Variants in IQSEC3 observed in about 807,000 individuals in gnomAD.
IQSEC3 encodes the protein IQ motif and Sec7 domain ArfGEF 3, also known as IQ motif and SEC7 domain-containing protein 3.
IQSEC3 carries 50 observed loss-of-function variants against 105.4 expected under a neutral mutation model. The observed-to-expected ratio is 0.47, with a 90% CI of 0.38 to 0.60. The LOEUF (loss-of-function observed/expected upper bound fraction) is 0.60, where lower values mean the gene tolerates loss of function less well. Among genes scored for constraint, IQSEC3 ranks in the 20% least tolerant of loss-of-function variants. The pLI is 0.00. For synonymous variants in IQSEC3, 708 were observed against 746.0 expected, an observed-to-expected ratio of 0.95 and a Z score of 0.83; for missense variants, 1,415 against 1,630.0, an observed-to-expected ratio of 0.87 and a Z score of 2.27.
chr12:175,021 G>C lies in IQSEC3; in HGVS notation c.3537G>C (p.Arg1179Ser), dbSNP rs1353193484. ...LHGHRYSSGS[R>S]SLV Reference sequence around the variant, plus strand: ...GGCACCGCTACTCCAGTGGCTCAAGGAGCCTGGTGTAGACTCTGCCCCACC... The same window carrying C: ...GGCACCGCTACTCCAGTGGCTCAAGCAGCCTGGTGTAGACTCTGCCCCACC... Residue 1179 changes from arginine (R) to serine (S), a missense_variant, in exon 14 of 14, where the codon AGG becomes AGC. Coordinates refer to ENST00000538872, the MANE Select transcript of IQSEC3 (RefSeq NM_001170738.2). 2.6e-6 allele frequency: 4 copies of C among 1,552,050 alleles called. No individual in the cohort carries two copies. In the East Asian group the frequency reaches 9.2e-5, roughly 36 times the overall value.
intron 5 of IQSEC3, among the ~76,000 whole-genome samples, chr12:145,953 G>A (rs914278215): frequency 6.6e-6 from 1 of 152,186 alleles, no homozygotes; most frequent in African/African-American, 2.4e-5. Context: ...CTTCTGGGTT[G>A]AGCTGCCGGA....
chr12:71,243 T>C (rs1169596215), intron 1 of IQSEC3, among the ~76,000 whole-genome samples: 1 of 152,274 alleles, frequency 6.6e-6, no homozygotes, highest in Non-Finnish European at 1.5e-5. Flanking sequence ...TTGAAGGTGA[T>C]AGCTCATGAC....
In IQSEC3 at chr12:146,003, C is replaced by T. The variant is rs79710671; in HGVS notation, c.2153+4718C>T. Among the ~76,000 whole-genome samples the T allele has an allele frequency of 5.8e-3, 879 of 152,338 alleles. 10 individuals are homozygous for T. The highest frequency in any genetic ancestry group is 0.051 in the Middle Eastern group (15 of 294). ...GTGTTCCTTCCCTCCACTGCGTCTG[C>T]TCCATCCTTTGTTAAATTCCAAGAC... On this transcript the variant is annotated intron_variant, in intron 5 of 13. Coordinates refer to ENST00000538872, the MANE Select transcript of IQSEC3 (RefSeq NM_001170738.2).
chr12:90,008 A>G (rs1461311658), intron 1 of IQSEC3, among the ~76,000 whole-genome samples: 1 of 152,276 alleles, frequency 6.6e-6, no homozygotes, highest in East Asian at 1.9e-4. Flanking sequence ...TGTTTTCCAA[A>G]GTGTGGCACT....
At position 177,459 on chromosome 12, in the gene IQSEC3, T is replaced by C. The variant is rs1346107610; in HGVS notation, c.*2426T>C. ...TGGGCCTCTAGCTGAGAACCCGGAC[T>C]CTCAGGCACCTCAGTGCCCCTGCCC... On this transcript the variant is annotated 3_prime_UTR_variant, in exon 14 of 14. Coordinates refer to ENST00000538872, the MANE Select transcript of IQSEC3 (RefSeq NM_001170738.2). This position sits in a 1 kb window ranked among gnomAD's most constrained non-coding sequence, Gnocchi z 5.3. The C allele has an allele frequency of 6.6e-6, 1 of 152,156 alleles. No individual in the cohort carries two copies. The highest frequency in any genetic ancestry group is 2.4e-5 in the African/African-American group (1 of 41,404). The allele number at this position is 152,156 out of a possible 1,614,324, so 9.4% of individuals were successfully genotyped here.
intron 1 of IQSEC3, among the ~76,000 whole-genome samples, chr12:77,883 C>T (rs1420986305): frequency 2.0e-5 from 3 of 150,986 alleles, no homozygotes; most frequent in African/African-American, 7.3e-5. Flanking sequence ...AACGTGGAGT[C>T]GGGATCTCGG....
chr12:105,320 G>A (rs1474475664), intron 2 of IQSEC3, among the ~76,000 whole-genome samples: 2 of 152,228 alleles, frequency 1.3e-5, no homozygotes, highest in East Asian at 1.9e-4. Flanking sequence ...CATCTTGCCC[G>A]CTGGCAGGGG....
chr12:103,575 G>T (rs868925914), intron 2 of IQSEC3, among the ~76,000 whole-genome samples: 5 of 9,324 alleles, frequency 5.4e-4, no homozygotes, highest in African/African-American at 6.9e-4. Flanking sequence ...GGCTCAGGGG[G>T]AGGTGGGGGC....
chr12:96,277 G>T (rs1463167700), intron 1 of IQSEC3, among the ~76,000 whole-genome samples: 2 of 152,232 alleles, frequency 1.3e-5, no homozygotes, highest in South Asian at 4.1e-4. Context: ...GTAGAAGGGA[G>T]TGTCTGGGTT....
rs117337564 is a variant in IQSEC3, at chr12:89,606, T to C, written c.555-9540T>C. On this transcript the variant is annotated intron_variant, in intron 1 of 13. Coordinates refer to ENST00000538872, the MANE Select transcript of IQSEC3 (RefSeq NM_001170738.2). ...AGTGACCCTTTGTTCCCTCTTACAG[T>C]TCATCCCTTCCTTCCTGCATTGCTG... Among the ~76,000 whole-genome samples, 1,295 of 149,504 alleles carry C rather than the reference T, an allele frequency of 8.7e-3. 10 individuals carry two copies. The highest frequency in any genetic ancestry group is 0.027 in the East Asian group (140 of 5,174).
Position 138,313 on chromosome 12 carries a change from G to T in IQSEC3, c.950G>T (p.Arg317Leu). 2 of 1,613,820 alleles carry T rather than the reference G, an allele frequency of 1.2e-6. No homozygotes were observed. Among genetic ancestry groups the T allele is most frequent in the Non-Finnish European group, 1.7e-6 (2 of 1,179,942 alleles). Residue 317 changes from arginine to leucine, a missense_variant, in exon 4 of 14, where the codon CGC (arginine) becomes CTC (leucine). Coordinates refer to ENST00000538872, the MANE Select transcript of IQSEC3 (RefSeq NM_001170738.2). The surrounding 1 kb of genome is among the most constrained non-coding windows in gnomAD (Gnocchi z 7.1). ...HKYGGHLVSRRAACTIQTAFR... is the reference protein window; with the variant it reads ...HKYGGHLVSRLAACTIQTAFR... ...TACGGCGGTCACCTGGTGTCCCGGC[G>T]CGCCGCTTGCACCATCCAAACCGCC...
chr12:148,657 T>C (rs919971055), intron 5 of IQSEC3: 3 of 152,238 alleles, frequency 2.0e-5, no homozygotes, highest in Non-Finnish European at 4.4e-5. Flanking sequence ...TTATGAATTC[T>C]GACGAATAAA....
intron 11 of IQSEC3, 85 bp from the exon 12 acceptor site, chr12:168,928 T>A (rs1938819334): frequency 6.0e-6 from 7 of 1,160,122 alleles, no homozygotes; most frequent in Non-Finnish European, 9.1e-6. Flanking sequence ...CTTCCTCCCC[T>A]TTCTGCTGGC....
intron 1 of IQSEC3, among the ~76,000 whole-genome samples, chr12:73,963 C>A (rs150064729): frequency 6.6e-6 from 1 of 152,404 alleles, no homozygotes; most frequent in African/African-American, 2.4e-5. Flanking sequence ...ACTAAAACCT[C>A]TTCTGTTGAA....
chr12:91,564 G>A (rs1438513652), intron 1 of IQSEC3, among the ~76,000 whole-genome samples: 13 of 152,158 alleles, frequency 8.5e-5, no homozygotes, highest in South Asian at 2.1e-4. Context: ...CACTGGAGCC[G>A]AGGAGTTCGA....
In IQSEC3 at chr12:105,528, G is replaced by A. The variant is rs868914357; in HGVS notation, c.623+6314G>A. Among the ~76,000 whole-genome samples, 5 of 152,320 alleles carry A rather than the reference G, an allele frequency of 3.3e-5. No homozygotes were observed. In the South Asian group the frequency reaches 1.0e-3, roughly 32 times the overall value. On this transcript the variant is annotated intron_variant, in intron 2 of 13. Transcript: ENST00000538872. ...CAGCCGACCTGGGCTCCATGCCCAG[G>A]AAGATGGCCGAATTCCGACGTGGAG...
chr12:156,373 G>A (rs1470031800), intron 5 of IQSEC3, among the ~76,000 whole-genome samples: 1 of 152,194 alleles, frequency 6.6e-6, no homozygotes, highest in African/African-American at 2.4e-5. Context: ...GACCCTGCGT[G>A]TCACGCTGTC....
chr12:171,038 TGAGGGGCACAGGG>T, intron 12 of IQSEC3, 61 bp from the exon 13 acceptor site: 1 of 1,579,386 alleles, frequency 6.3e-7, no homozygotes, highest in South Asian at 1.1e-5. Flanking sequence ...CAGAGATGCT[TGAGGGGCACAGGG>T]GAGGGGCAGG....
intron 2 of IQSEC3, among the ~76,000 whole-genome samples, chr12:112,441 T>C (rs1299697270): frequency 2.6e-5 from 4 of 152,184 alleles, no homozygotes; most frequent in African/African-American, 9.7e-5. Context: ...GCCCACTGTA[T>C]ACATTATTTC....
Sources: allele counts gnomAD v4.1 joint callset (sites outside exome capture counted in the v4.1 genomes callset), GRCh38; gene constraint gnomAD v4.1.1; non-coding constraint Gnocchi (gnomAD v3.1); transcripts MANE v1.5; gene names NCBI Gene and HGNC (gene_info 2026-07-23, HGNC 2026-07-21).